Variants in WDR49 observed in about 807,000 individuals in gnomAD.
WDR49 encodes the protein cilia- and flagella-associated protein 337.
Under a neutral mutation model 119.5 loss-of-function variants are expected in WDR49, and 107 were observed. The observed-to-expected ratio is 0.90, with a 90% confidence interval of 0.77 to 1.05. The LOEUF (loss-of-function observed/expected upper bound fraction) is 1.05. Among genes scored for constraint, WDR49 ranks in the 50% least tolerant of loss-of-function variants. The pLI, the probability that WDR49 is intolerant of heterozygous loss-of-function variation, is 0.00. For synonymous variants in WDR49, 425 were observed against 418.8 expected (o/e 1.01, Z -0.18); for missense variants, 1,240 against 1,220.5 (o/e 1.02, Z -0.24).
intron 16 of WDR49, among the ~76,000 whole-genome samples, chr3:167,507,292 T>C (rs955881718): frequency 1.3e-5 from 2 of 152,136 alleles, no homozygotes; most frequent in Non-Finnish European, 2.9e-5. Flanking sequence ...TTTCCCCAAT[T>C]GCACTGGAAT....
intron 7 of WDR49, among the ~76,000 whole-genome samples, chr3:167,601,360 T>A (rs73878764): frequency 6.6e-6 from 1 of 152,154 alleles, no homozygotes; most frequent in Non-Finnish European, 1.5e-5. Context: ...TATTTTAGCA[T>A]ACAACAAAAA....
upstream of WDR49, among the ~76,000 whole-genome samples, chr3:167,654,192 A>G (rs557203986): frequency 6.3e-4 from 96 of 152,312 alleles, 1 homozygote; most frequent in Non-Finnish European, 1.1e-3. Flanking sequence ...TAGGATATAT[A>G]TTATGAAACT....
intron 2 of WDR49, among the ~76,000 whole-genome samples, chr3:167,631,673 A>C (rs1443680921): frequency 1.3e-5 from 2 of 152,104 alleles, no homozygotes; most frequent in East Asian, 3.9e-4. Flanking sequence ...GCCTGGAAGA[A>C]GCACTAGAGT....
rs544105280 is a variant in WDR49, at chr3:167,483,314, G to C, written c.3032-4318C>G. 9.9e-5 allele frequency among the ~76,000 whole-genome samples: 15 copies of C among 152,236 alleles called. No homozygotes were observed. In the South Asian group the frequency reaches 2.1e-3, roughly 21 times the overall value. The stretch of plus-strand genomic sequence containing the variant: ...CCTTTGAGCCCTTCTGAAATATATT[G>C]TAAAAGCCAGAATGTTACTTCCGAA... On this transcript the variant is annotated intron_variant, in intron 18 of 18. Transcript: ENST00000682715.
intron 7 of WDR49, among the ~76,000 whole-genome samples, chr3:167,596,870 T>TAATAAATAAATAAATA (rs200934043): frequency 1.7e-4 from 24 of 141,348 alleles, no homozygotes; most frequent in East Asian, 1.5e-3. Flanking sequence ...TAAAGTATAA[T>TAATAAATAAATAAATA]AATAAATAAA....
chr3:167,643,030 A>T (rs544937672), intron 2 of WDR49, among the ~76,000 whole-genome samples: 18 of 152,202 alleles, frequency 1.2e-4, no homozygotes, highest in African/African-American at 4.3e-4. Flanking sequence ...ACTGAAAATG[A>T]GTAAGAATCA....
chr3:167,512,412 GCAA>G (rs570957929), intron 16 of WDR49, among the ~76,000 whole-genome samples: 294 of 152,174 alleles, frequency 1.9e-3, no homozygotes, highest in Admixed American at 4.3e-3. Context: ...CAAACAGAAA[GCAA>G]CAACATCAAC....
At chr3:167,489,006 C>T (rs941139105) in intron 18 of WDR49, among the ~76,000 whole-genome samples, 13 of 152,134 alleles carry the variant, frequency 8.5e-5, no homozygotes, top group African/African-American at 3.1e-4. Flanking sequence ...GAGACCTTCA[C>T]TGATGTTCTT....
At chr3:167,569,680 CAA>C (rs199809894) in intron 8 of WDR49, among the ~76,000 whole-genome samples, 5,164 of 96,650 alleles carry the variant, frequency 0.053, 181 homozygotes, top group Admixed American at 0.11. Flanking sequence ...CTGGACACAG[CAA>C]AAAAAAAAAA....
At chr3:167,631,271 A>C (rs560226585) in intron 2 of WDR49, among the ~76,000 whole-genome samples, 1 of 152,208 alleles carries the variant, frequency 6.6e-6, no homozygotes, top group Non-Finnish European at 1.5e-5. Flanking sequence ...TGTAATGAAT[A>C]AAAAAAGAAA....
At chr3:167,629,452 T>G (rs1008938322) in intron 2 of WDR49, among the ~76,000 whole-genome samples, 1 of 152,060 alleles carries the variant, frequency 6.6e-6, no homozygotes, top group Non-Finnish European at 1.5e-5. Flanking sequence ...CCAACGGAGA[T>G]GTACAAGGGG....
chr3:167,603,943 C>T (rs1422255744), intron 6 of WDR49, among the ~76,000 whole-genome samples: 1 of 151,648 alleles, frequency 6.6e-6, no homozygotes, highest in Non-Finnish European at 1.5e-5. Flanking sequence ...GTAGTAGCAA[C>T]GAAAAAATGC....
intron 16 of WDR49, among the ~76,000 whole-genome samples, chr3:167,516,434 AT>A (rs570136797): frequency 2.6e-5 from 4 of 151,992 alleles, no homozygotes; most frequent in African/African-American, 9.7e-5. Context: ...TGAACGCATC[AT>A]TTTTTATGGC....
intron 3 of WDR49, among the ~76,000 whole-genome samples, chr3:167,622,415 T>C (rs1716917222): frequency 6.6e-6 from 1 of 152,008 alleles, no homozygotes; most frequent in African/African-American, 2.4e-5. Flanking sequence ...GAATGATGTC[T>C]GATTAAATAG....
At position 167,545,492 on chromosome 3, in the gene WDR49, ATATTATATATTATATAT is replaced by A. The variant is rs1190400732; in HGVS notation, c.1824-8509_1824-8493del. 3.1e-4 allele frequency among the ~76,000 whole-genome samples: 40 copies of A among 128,980 alleles called. 1 individual carries two copies. Among genetic ancestry groups the A allele is most frequent in the Non-Finnish European group, 4.7e-4 (28 of 59,096 alleles). The allele number at this position is 128,980 out of a possible 152,430, so 84.6% of individuals were successfully genotyped here. ...TGGATAAAGAAAATGTACCATATAT[ATATTATATATTATATAT>A]TATATATATATATATGCACCCTGGA... On this transcript the variant is annotated intron_variant, in intron 10 of 18. Coordinates refer to ENST00000682715, the MANE Select transcript of WDR49 (RefSeq NM_001366157.1).
At chr3:167,537,905 AAAGGTCTCTT>A (rs1711562158) in intron 10 of WDR49, among the ~76,000 whole-genome samples, 1 of 152,174 alleles carries the variant, frequency 6.6e-6, no homozygotes, top group South Asian at 2.1e-4. Context: ...CCACCACTCT[AAAGGTCTCTT>A]AGTTGTCCTA....
rs1751729900 is a variant in WDR49 at position 167,505,434 on chromosome 3, A to C, written c.2775-18T>G. On this transcript the variant is annotated intron_variant, in intron 16 of 18. Transcript: ENST00000682715. ...GTCTGACACTGGAAGAAAATATTTC[A>C]TGATGAAATACATTATTAACCACAG... The C allele has an allele frequency of 3.3e-6, 5 of 1,510,604 alleles. No homozygotes were observed. The East Asian group carries it at 1.2e-4, about 37-fold the overall frequency. The allele number at this position is 1,510,604 out of a possible 1,614,324, so 93.6% of individuals were successfully genotyped here.
In WDR49 at chr3:167,620,525, TG is replaced by T; in HGVS notation, c.861del (p.Thr288LeufsTer2). On this transcript the variant is annotated frameshift_variant, in exon 5 of 19. Coordinates refer to ENST00000682715, the MANE Select transcript of WDR49 (RefSeq NM_001366157.1). LOFTEE classifies it high-confidence loss of function. ...RPASACEDGE[A>X]TMTINWAELL... ...AGCTCTGCCCAGTTAATGGTCATAG[TG>T]GCTTCTCCATCTTCACATGCACTAG... The T allele has an allele frequency of 6.5e-7, 1 of 1,535,958 alleles. No homozygotes were observed. The highest frequency in any genetic ancestry group is 8.7e-7 in the Non-Finnish European group (1 of 1,146,698).
At chr3:167,621,009 C>T (rs533141583) in intron 4 of WDR49, among the ~76,000 whole-genome samples, 2 of 151,390 alleles carry the variant, frequency 1.3e-5, no homozygotes, top group African/African-American at 2.4e-5. Flanking sequence ...CAGAGCTGCC[C>T]TCTCTAATCC....
Sources: gnomAD v4.1 joint callset for allele counts (sites outside exome capture counted in the v4.1 genomes callset) on GRCh38, gnomAD v4.1.1 for gene constraint, MANE v1.5 for transcripts, NCBI Gene and HGNC (gene_info 2026-07-23, HGNC 2026-07-21) for gene names.